The following NFIB variants were observed in gnomAD, a reference collection of about 807,000 sequenced individuals.
NFIB encodes the protein nuclear factor I B, also known as nuclear factor 1 B-type.
In NFIB, 11 loss-of-function variants were observed where a neutral mutation model predicts 61.5. The ratio of observed to expected loss-of-function variants is 0.18; its 90% CI spans 0.11 to 0.30. The LOEUF is 0.30. NFIB is among the 10% of genes least tolerant of loss of function. The pLI, the probability that NFIB is intolerant of heterozygous loss-of-function variation, is 1.00. For missense variants in NFIB, 471 were observed against 608.9 expected (o/e 0.77, Z 2.38); for synonymous variants, 260 against 216.5 (o/e 1.20, Z -1.76).
chr9:14,275,588 T>C, intron 2 of NFIB, among the ~76,000 whole-genome samples: 1 of 152,140 alleles, frequency 6.6e-6, no homozygotes, highest in South Asian at 2.1e-4. Context: ...GAAAACCCTA[T>C]CACACCCAGG....
At chr9:14,191,592 C>A (rs540773911) in intron 2 of NFIB, among the ~76,000 whole-genome samples, 1 of 152,132 alleles carries the variant, frequency 6.6e-6, no homozygotes, top group Non-Finnish European at 1.5e-5. Context: ...AGATTCAAAT[C>A]AATTCCTTAT....
the NFIB span, among the ~76,000 whole-genome samples, chr9:14,467,139 T>G: frequency 6.6e-6 from 1 of 152,200 alleles, no homozygotes; most frequent in Non-Finnish European, 1.5e-5. Flanking sequence ...AGTGGCTGTT[T>G]CCTTGACAAC....
the NFIB span, among the ~76,000 whole-genome samples, chr9:14,483,906 G>A: frequency 6.6e-6 from 1 of 152,128 alleles, no homozygotes. Flanking sequence ...TTTATTCTTG[G>A]CACAAGGCAG....
chr9:14,105,281 A>G (rs1225776353), intron 10 of NFIB, among the ~76,000 whole-genome samples: 2 of 152,230 alleles, frequency 1.3e-5, no homozygotes, highest in Admixed American at 1.3e-4. Context: ...CCCAAACAGA[A>G]AAATATGCTT....
At chr9:14,163,890 A>C (rs2131296256) in intron 3 of NFIB, among the ~76,000 whole-genome samples, 1 of 152,022 alleles carries the variant, frequency 6.6e-6, no homozygotes, top group South Asian at 2.1e-4. Context: ...AGTAAATAAT[A>C]AAAAAATGAC....
chr9:14,233,859 T>C (rs2053464293), intron 2 of NFIB, among the ~76,000 whole-genome samples: 1 of 152,248 alleles, frequency 6.6e-6, no homozygotes, highest in South Asian at 2.1e-4. Context: ...CTATCAATTT[T>C]GATCTGAAAT....
intron 3 of NFIB, among the ~76,000 whole-genome samples, chr9:14,160,984 T>C (rs1165987593): frequency 1.3e-5 from 2 of 152,280 alleles, no homozygotes; most frequent in South Asian, 2.1e-4. Context: ...AAGACATCTA[T>C]AGGCATTTTC....
the NFIB span, among the ~76,000 whole-genome samples, chr9:14,434,873 A>C: frequency 6.6e-6 from 1 of 152,210 alleles, no homozygotes; most frequent in Non-Finnish European, 1.5e-5. Flanking sequence ...TCCTCTATAC[A>C]GAGAGGACCT....
At chr9:14,088,600 T>C (rs1171552121) in intron 10 of NFIB, among the ~76,000 whole-genome samples, 2 of 152,122 alleles carry the variant, frequency 1.3e-5, no homozygotes, top group East Asian at 3.9e-4. Flanking sequence ...TTCTAACCGA[T>C]TGAGGATATT....
chr9:14,158,151 A>C (rs533097739), intron 3 of NFIB, among the ~76,000 whole-genome samples: 1 of 152,052 alleles, frequency 6.6e-6, no homozygotes, highest in East Asian at 1.9e-4. Context: ...AAAACAAAAC[A>C]ACCTCCTTTA....
intron 2 of NFIB, among the ~76,000 whole-genome samples, chr9:14,228,950 T>G (rs2052779378): frequency 6.6e-6 from 1 of 152,082 alleles, no homozygotes; most frequent in South Asian, 2.1e-4. Flanking sequence ...CTTTTTAAAT[T>G]TTCAGGTAGT....
chr9:14,417,447 C>T, the NFIB span, among the ~76,000 whole-genome samples: 3 of 152,244 alleles, frequency 2.0e-5, no homozygotes, highest in East Asian at 3.9e-4. Context: ...TTTCTCAGAA[C>T]GTATTCATCG....
intron 4 of NFIB, among the ~76,000 whole-genome samples, chr9:14,150,987 A>G (rs2042809303): frequency 6.6e-6 from 1 of 152,112 alleles, no homozygotes; most frequent in Non-Finnish European, 1.5e-5. Flanking sequence ...AGATATCATG[A>G]ACAAAGCTGT....
the NFIB span, among the ~76,000 whole-genome samples, chr9:14,460,361 C>T: frequency 7.0e-6 from 1 of 142,282 alleles, no homozygotes; most frequent in East Asian, 2.1e-4. Flanking sequence ...CAACCCGGGG[C>T]CTGTTGCGGG....
At chr9:14,523,190 G>A in the NFIB span, among the ~76,000 whole-genome samples, 1 of 152,082 alleles carries the variant, frequency 6.6e-6, no homozygotes, top group Non-Finnish European at 1.5e-5. Context: ...GACTTTTCGG[G>A]CTCTGGAGAT....
At chr9:14,342,965 T>C (rs2060970002) in intron 1 of NFIB, among the ~76,000 whole-genome samples, 1 of 151,780 alleles carries the variant, frequency 6.6e-6, no homozygotes, top group African/African-American at 2.4e-5. Context: ...TTTGTCTGTA[T>C]ATTATTAAAG....
intron 2 of NFIB, chr9:14,204,815 G>A (rs1330453936): frequency 8.3e-6 from 4 of 483,920 alleles, no homozygotes; most frequent in African/African-American, 5.9e-5. Context: ...GACAAGACTG[G>A]GACATCTAAT....
intron 1 of NFIB, among the ~76,000 whole-genome samples, chr9:14,372,436 C>CAATA (rs1442139901): frequency 4.6e-5 from 7 of 152,140 alleles, no homozygotes; most frequent in Non-Finnish European, 2.9e-5. Flanking sequence ...AATAAATCAC[C>CAATA]AATAAATTAT....
At chr9:14,308,611 T>G (rs975866202) in intron 1 of NFIB, among the ~76,000 whole-genome samples, 15 of 152,234 alleles carry the variant, frequency 9.9e-5, no homozygotes, top group African/African-American at 3.6e-4. Flanking sequence ...GGGGTGACAC[T>G]GCTGGTCAGT....
Sources: gnomAD v4.1 joint callset for allele counts (sites outside exome capture counted in the v4.1 genomes callset) on GRCh38, gnomAD v4.1.1 for gene constraint, MANE v1.5 for transcripts, NCBI Gene and HGNC (gene_info 2026-07-23, HGNC 2026-07-21) for gene names.